The following NAV2 variants were observed in gnomAD, a reference collection of about 807,000 sequenced individuals.
NAV2 encodes the protein helicase, APC down-regulated 1.
NAV2 carries 54 observed loss-of-function variants against 223.2 expected under a neutral mutation model. The ratio of observed to expected loss-of-function variants is 0.24; its 90% confidence interval spans 0.19 to 0.30. The LOEUF (loss-of-function observed/expected upper bound fraction) is 0.30. Among genes scored for constraint, NAV2 ranks in the 10% least tolerant of loss-of-function variants. NAV2 has a pLI of 1.00. For synonymous variants in NAV2, 1,279 were observed against 1,239.3 expected (o/e 1.03, Z -0.67); for missense variants, 2,806 against 3,147.5 (o/e 0.89, Z 2.60).
intron 10 of NAV2, among the ~76,000 whole-genome samples, chr11:19,961,550 G>A (rs957785543): frequency 2.0e-5 from 3 of 152,170 alleles, no homozygotes; most frequent in Non-Finnish European, 4.4e-5. Context: ...TCATCAAGCT[G>A]TTCTGGAAGA....
chr11:20,103,100 T>C (rs1283746325), intron 32 of NAV2, among the ~76,000 whole-genome samples, 155 bp from the exon 33 acceptor site: 1 of 152,166 alleles, frequency 6.6e-6, no homozygotes, highest in African/African-American at 2.4e-5. Context: ...GCCAGTGCCC[T>C]GTAATAGGCA....
At chr11:19,956,512 A>G (rs1408162478) in intron 10 of NAV2, among the ~76,000 whole-genome samples, 1 of 152,072 alleles carries the variant, frequency 6.6e-6, no homozygotes, top group Non-Finnish European at 1.5e-5. Context: ...CCTCCCTTAC[A>G]TTCAGAAATT....
At chr11:19,522,881 A>G (rs1371311738) in intron 1 of NAV2, among the ~76,000 whole-genome samples, 7 of 152,214 alleles carry the variant, frequency 4.6e-5, no homozygotes, top group Non-Finnish European at 8.8e-5. Context: ...TCCTCCATAT[A>G]CCAGCCCCAA....
chr11:19,725,891 A>G (rs1397815523), intron 1 of NAV2, among the ~76,000 whole-genome samples: 3 of 152,206 alleles, frequency 2.0e-5, no homozygotes, highest in East Asian at 1.9e-4. Context: ...GCTACATTCC[A>G]TTGCTGTTTT....
At chr11:19,373,601 C>G (rs1166242183) in intron 1 of NAV2, among the ~76,000 whole-genome samples, 1 of 152,210 alleles carries the variant, frequency 6.6e-6, no homozygotes, top group African/African-American at 2.4e-5. Flanking sequence ...ATCTTCCACT[C>G]TGTAGCCTCT....
At position 19,866,042 on chromosome 11, in the gene NAV2, T is replaced by C. The variant is rs182228439; in HGVS notation, c.439-2883T>C. On this transcript the variant is annotated intron_variant, in intron 3 of 37. Transcript: ENST00000349880. Reference sequence around the variant, plus strand: ...AATCTTGGTCAAAAATCTGACTTCCTTACCTCACTTTCTGTATCACGTAAT... The same window carrying C: ...AATCTTGGTCAAAAATCTGACTTCCCTACCTCACTTTCTGTATCACGTAAT... 1.6e-3 allele frequency among the ~76,000 whole-genome samples: 251 copies of C among 152,368 alleles called. 1 individual carries two copies. Among genetic ancestry groups the C allele is most frequent in the African/African-American group, 5.7e-3 (236 of 41,592 alleles).
At chr11:19,533,125 A>T (rs1477894575) in intron 1 of NAV2, among the ~76,000 whole-genome samples, 1 of 152,210 alleles carries the variant, frequency 6.6e-6, no homozygotes, top group Non-Finnish European at 1.5e-5. Context: ...GCTTGTTGTC[A>T]GTCTAGGACT....
In NAV2 at chr11:20,107,778, TC is replaced by T; in HGVS notation, c.6958del (p.Gln2320SerfsTer16). ...CTCCTGGAAGCCGTCAGAGAAGGAC[TC>T]CAGGTGAGAAGACACCCCTGCTGGC... is the stretch of plus-strand genomic sequence containing the variant. ...PYLLEAVREG[L>X]QLYGRRAPWE... On this transcript the variant is annotated frameshift_variant, in exon 36 of 38. Coordinates refer to ENST00000349880, the MANE Select transcript of NAV2 (RefSeq NM_145117.5). LOFTEE classifies it high-confidence loss of function. The T allele has an allele frequency of 6.2e-7, 1 of 1,608,878 alleles. No homozygotes were observed. Among genetic ancestry groups the T allele is most frequent in the Non-Finnish European group, 8.5e-7 (1 of 1,175,188 alleles).
In NAV2 at chr11:19,743,771, G is replaced by C. The variant is rs1041934316; in HGVS notation, c.267+29809G>C. ...CAAAGAGCCTAGTGCTCAGAGTTGG[G>C]CAGTCATCCCGGCAGCTTCTCACTG... On this transcript the variant is annotated intron_variant, in intron 1 of 37. Coordinates refer to ENST00000349880, the MANE Select transcript of NAV2 (RefSeq NM_145117.5). 2.6e-5 allele frequency among the ~76,000 whole-genome samples: 4 copies of C among 152,362 alleles called. No individual in the cohort carries two copies. In the South Asian group the frequency reaches 8.3e-4, roughly 32 times the overall value.
At chr11:19,773,476 G>A (rs1466513891) in intron 1 of NAV2, among the ~76,000 whole-genome samples, 1 of 152,182 alleles carries the variant, frequency 6.6e-6, no homozygotes, top group African/African-American at 2.4e-5. Context: ...AGAAAGCCAT[G>A]AGCTGAAAAA....
At chr11:20,056,011 T>G in intron 19 of NAV2, 54 bp downstream of exon 19, 1 of 1,533,654 alleles carries the variant, frequency 6.5e-7, no homozygotes, top group South Asian at 1.2e-5. Flanking sequence ...CCCAGGTTAC[T>G]CAGTGTAGTT....
intron 1 of NAV2, among the ~76,000 whole-genome samples, chr11:19,405,308 C>T (rs981681741): frequency 6.6e-6 from 1 of 152,118 alleles, no homozygotes; most frequent in African/African-American, 2.4e-5. Context: ...TGGGAGGTGC[C>T]TGCCAGATAT....
At chr11:19,541,403 G>C (rs2044337554) in intron 1 of NAV2, among the ~76,000 whole-genome samples, 2 of 152,256 alleles carry the variant, frequency 1.3e-5, no homozygotes, top group South Asian at 4.1e-4. Flanking sequence ...TCCTGGGATG[G>C]AGCGAAATTT....
chr11:19,433,016 T>A (rs1371836800), intron 1 of NAV2, among the ~76,000 whole-genome samples: 1 of 152,170 alleles, frequency 6.6e-6, no homozygotes, highest in Non-Finnish European at 1.5e-5. Flanking sequence ...TCACTTCAGT[T>A]TTCACTGGAC....
At chr11:19,966,811 T>A (rs936129960) in intron 10 of NAV2, among the ~76,000 whole-genome samples, 2 of 152,164 alleles carry the variant, frequency 1.3e-5, no homozygotes, top group African/African-American at 4.8e-5. Flanking sequence ...GGCTAGTTTG[T>A]CCCCCAGGCC....
chr11:19,527,996 G>T (rs948081408), intron 1 of NAV2, among the ~76,000 whole-genome samples: 3 of 146,544 alleles, frequency 2.0e-5, no homozygotes, highest in Non-Finnish European at 4.4e-5. Flanking sequence ...GGCTGCAATT[G>T]TTTCTCTTAA....
chr11:19,578,118 G>T (rs979986646), intron 1 of NAV2, among the ~76,000 whole-genome samples: 1 of 152,044 alleles, frequency 6.6e-6, no homozygotes, highest in Non-Finnish European at 1.5e-5. Context: ...TGAAGCCCTC[G>T]CCAGCATTTC....
At chr11:19,930,510 G>A (rs1177925049) in intron 6 of NAV2, among the ~76,000 whole-genome samples, 4 of 151,968 alleles carry the variant, frequency 2.6e-5, no homozygotes, top group East Asian at 1.9e-4. Context: ...TAAGACCCCC[G>A]TCCTTTTCTT....
intron 1 of NAV2, among the ~76,000 whole-genome samples, chr11:19,555,012 C>A (rs866813385): frequency 7.1e-4 from 100 of 141,486 alleles, no homozygotes; most frequent in African/African-American, 1.6e-3. Context: ...CCATGTTTTG[C>A]AAAAAAAAAA....
Sources: allele counts gnomAD v4.1 joint callset (sites outside exome capture counted in the v4.1 genomes callset), GRCh38; gene constraint gnomAD v4.1.1; transcripts MANE v1.5; gene names NCBI Gene and HGNC (gene_info 2026-07-23, HGNC 2026-07-21).